VPS13B: variants seen among roughly 807,000 people sequenced by gnomAD.
VPS13B encodes the protein vacuolar protein sorting 13 homolog B, also known as intermembrane lipid transfer protein VPS13B.
Under a neutral mutation model 426.4 loss-of-function variants are expected in VPS13B, and 285 were observed. The ratio of observed to expected loss-of-function variants is 0.67; its 90% CI spans 0.61 to 0.74. The LOEUF (loss-of-function observed/expected upper bound fraction) is 0.74, where lower values mean the gene tolerates loss of function less well. VPS13B is among the 30% of genes least tolerant of loss of function. The pLI, the probability that VPS13B is intolerant of heterozygous loss-of-function variation, is 0.00. For missense variants in VPS13B, 4,537 were observed against 4,782.6 expected (o/e 0.95, Z 1.51); for synonymous variants, 1,676 against 1,676.4 (o/e 1.00, Z 0.01).
intron 15 of VPS13B, among the ~76,000 whole-genome samples, chr8:99,162,020 C>G (rs534155152): frequency 5.3e-4 from 81 of 152,244 alleles, no homozygotes; most frequent in Middle Eastern, 3.4e-3. Context: ...AGGTGTGAGC[C>G]ACTGCGTCCG....
Position 99,679,349 on chromosome 8 carries a change from A to T in VPS13B, c.6046+17858A>T, listed in dbSNP as rs370341134. ...GAGTAGTGGAATATAGTTATCCCTT[A>T]TGGTTATTACTAAGAGGGAGGGAAA... is the stretch of plus-strand genomic sequence containing the variant. On this transcript the variant is annotated intron_variant, in intron 35 of 61. Transcript: ENST00000357162. Among the ~76,000 whole-genome samples, 152 of 152,304 alleles carry T rather than the reference A, an allele frequency of 1.0e-3. 1 individual carries two copies. In the Middle Eastern group the frequency reaches 0.014, roughly 14 times the overall value.
At chr8:99,105,576 A>C (rs1847002555) in intron 5 of VPS13B, among the ~76,000 whole-genome samples, 1 of 152,092 alleles carries the variant, frequency 6.6e-6, no homozygotes, top group South Asian at 2.1e-4. Context: ...ACGGGGTTTC[A>C]CCATGTTGGC....
chr8:99,729,403 C>A (rs1002011073), intron 39 of VPS13B, among the ~76,000 whole-genome samples: 2 of 152,198 alleles, frequency 1.3e-5, no homozygotes, highest in African/African-American at 4.8e-5. Context: ...AAGCCTTACA[C>A]CATTTTTAAA....
chr8:99,305,251 T>C (rs1434693294), intron 19 of VPS13B, among the ~76,000 whole-genome samples: 1 of 152,084 alleles, frequency 6.6e-6, no homozygotes, highest in Non-Finnish European at 1.5e-5. Context: ...ATTTGTGGGT[T>C]CAACCAATGG....
chr8:99,368,632 C>T (rs1179421085), intron 19 of VPS13B, among the ~76,000 whole-genome samples: 3 of 152,100 alleles, frequency 2.0e-5, no homozygotes, highest in Non-Finnish European at 4.4e-5. Flanking sequence ...TCAGGTCATG[C>T]CTTTGTGATT....
chr8:99,148,540 T>C (rs1810876962), intron 14 of VPS13B, among the ~76,000 whole-genome samples: 1 of 152,116 alleles, frequency 6.6e-6, no homozygotes, highest in African/African-American at 2.4e-5. Flanking sequence ...TGTTGAAGAA[T>C]ATGGGCCTAG....
At chr8:99,650,437 T>C (rs889212511) in intron 34 of VPS13B, among the ~76,000 whole-genome samples, 2 of 152,200 alleles carry the variant, frequency 1.3e-5, no homozygotes, top group South Asian at 4.1e-4. Context: ...GTGACTGATA[T>C]ATACAATTTT....
chr8:99,253,377 A>G (rs1588176689), intron 17 of VPS13B, among the ~76,000 whole-genome samples: 2 of 152,262 alleles, frequency 1.3e-5, no homozygotes, highest in South Asian at 2.1e-4. Context: ...GCTGGATCAT[A>G]TGGTCACTTT....
At chr8:99,308,241 AC>A (rs1820745784) in intron 19 of VPS13B, among the ~76,000 whole-genome samples, 1 of 151,996 alleles carries the variant, frequency 6.6e-6, no homozygotes, top group East Asian at 1.9e-4. Flanking sequence ...CAGGTTAGTT[AC>A]ATATGTATAC....
At chr8:99,097,695 A>G (rs2132436440) in intron 4 of VPS13B, among the ~76,000 whole-genome samples, 1 of 152,320 alleles carries the variant, frequency 6.6e-6, no homozygotes, top group South Asian at 2.1e-4. Context: ...TATCTTTCAT[A>G]TAAAAATGAG....
rs753629388 is a variant in VPS13B at position 99,692,948 on chromosome 8, A to G, written c.6047-6577A>G. Among the ~76,000 whole-genome samples, 320 of 150,066 alleles carry G rather than the reference A, an allele frequency of 2.1e-3. 2 individuals are homozygous for G. The highest frequency in any genetic ancestry group is 3.4e-3 in the Middle Eastern group (1 of 294). On this transcript the variant is annotated intron_variant, in intron 35 of 61. Transcript: ENST00000357162. ...ACAAATAAACTAGAAAATCTAGAAG[A>G]AATGGATACATTCCTTGACACATAC... is the stretch of plus-strand genomic sequence containing the variant.
chr8:99,407,542 A>G (rs1386238285), intron 21 of VPS13B, among the ~76,000 whole-genome samples: 11 of 152,040 alleles, frequency 7.2e-5, no homozygotes, highest in Non-Finnish European at 1.5e-5. Context: ...ACAAGTAGGC[A>G]CTCAGTTATA....
At chr8:99,406,886 GTT>G (rs1168303165) in intron 21 of VPS13B, among the ~76,000 whole-genome samples, 1 of 152,202 alleles carries the variant, frequency 6.6e-6, no homozygotes, top group Non-Finnish European at 1.5e-5. Flanking sequence ...TAGGATAGGT[GTT>G]AGATAGGGTT....
chr8:99,639,282 T>A (rs1438784736), intron 33 of VPS13B, among the ~76,000 whole-genome samples: 1 of 152,096 alleles, frequency 6.6e-6, no homozygotes, highest in Non-Finnish European at 1.5e-5. Flanking sequence ...ATAATAGAAG[T>A]ATAAGTGAAC....
chr8:99,531,672 A>G (rs1025576693), intron 30 of VPS13B, among the ~76,000 whole-genome samples: 5 of 152,124 alleles, frequency 3.3e-5, no homozygotes, highest in African/African-American at 1.2e-4. Context: ...ATATAGCAAA[A>G]TTATAGCAAA....
In VPS13B at chr8:99,552,590, T is replaced by C. The variant is rs1441621734; in HGVS notation, c.4746-3860T>C. Among the ~76,000 whole-genome samples, 132 of 150,890 alleles carry C rather than the reference T, an allele frequency of 8.7e-4. 2 individuals carry two copies. The highest frequency in any genetic ancestry group is 2.7e-3 in the South Asian group (13 of 4,800). On this transcript the variant is annotated intron_variant, in intron 30 of 61. Transcript: ENST00000357162. ...GGTTTTTATTTTGTTTTTTTTTTTT[T>C]CCCCTTTACCCATTAGTAAGGTAAA... is the stretch of plus-strand genomic sequence containing the variant.
chr8:99,623,485 TG>T (rs747248388), intron 33 of VPS13B, among the ~76,000 whole-genome samples: 16 of 152,226 alleles, frequency 1.1e-4, no homozygotes, highest in Non-Finnish European at 2.9e-5. Context: ...TGTTGTTTTT[TG>T]TTTTTACTGG....
intron 31 of VPS13B, among the ~76,000 whole-genome samples, chr8:99,565,791 A>G (rs184133392): frequency 6.6e-6 from 1 of 152,204 alleles, no homozygotes; most frequent in Non-Finnish European, 1.5e-5. Context: ...CTTTTATCTT[A>G]CTAATTTGTG....
chr8:99,225,352 T>G (rs998105349), intron 17 of VPS13B, among the ~76,000 whole-genome samples: 6 of 152,040 alleles, frequency 3.9e-5, no homozygotes, highest in Non-Finnish European at 7.4e-5. Context: ...CGATCTCAGC[T>G]CACTGCAAGG....
Sources: allele counts gnomAD v4.1 joint callset (sites outside exome capture counted in the v4.1 genomes callset), GRCh38; gene constraint gnomAD v4.1.1; transcripts MANE v1.5; gene names NCBI Gene and HGNC (gene_info 2026-07-23, HGNC 2026-07-21).